The following CHD2 variants were observed in gnomAD, a reference collection of about 807,000 sequenced individuals.
CHD2 encodes the protein chromodomain helicase DNA binding protein 2, also known as ATP-dependent chromatin remodeler CHD2.
In CHD2, 28 loss-of-function variants were observed where a neutral mutation model predicts 243.9. The observed-to-expected ratio is 0.11, with a 90% CI of 0.09 to 0.16. CHD2 has a LOEUF of 0.16. CHD2 is among the 10% of genes least tolerant of loss of function. CHD2 has a pLI of 1.00. For synonymous variants in CHD2, 775 were observed against 779.0 expected (o/e 0.99, Z 0.09); for missense variants, 1,386 against 2,209.8 (o/e 0.63, Z 7.47).
intron 28 of CHD2, among the ~76,000 whole-genome samples, 182 bp from the exon 29 acceptor site, chr15:92,996,775 T>C (rs770721491): frequency 2.0e-5 from 3 of 152,194 alleles, no homozygotes; most frequent in Non-Finnish European, 4.4e-5. Flanking sequence ...AGACTGAATG[T>C]TCAGAGGTTA....
chr15:92,917,601 T>C (rs2052866039), intron 2 of CHD2, among the ~76,000 whole-genome samples: 1 of 152,180 alleles, frequency 6.6e-6, no homozygotes, highest in East Asian at 1.9e-4. Flanking sequence ...GTGTGACCAG[T>C]CAGTCTTCTT....
chr15:92,970,287 C>T (rs1207570415), intron 17 of CHD2, among the ~76,000 whole-genome samples: 3 of 151,986 alleles, frequency 2.0e-5, no homozygotes, highest in South Asian at 4.2e-4. Flanking sequence ...CCTCAACCTC[C>T]GCCTCCCAGG....
intron 20 of CHD2, among the ~76,000 whole-genome samples, chr15:92,977,919 T>C (rs2053930785): frequency 6.6e-6 from 1 of 152,198 alleles, no homozygotes; most frequent in Admixed American, 6.5e-5. Context: ...GATAATTGTT[T>C]GTCTGTTTTT....
chr15:93,000,087 T>C lies in CHD2; in HGVS notation c.4009-425T>C, dbSNP rs1476025365. Among the ~76,000 whole-genome samples, 3 of 152,206 alleles carry C rather than the reference T, an allele frequency of 2.0e-5. No homozygotes were observed. The East Asian group carries it at 5.8e-4, about 29-fold the overall frequency. ...CAGCCTGACCAACATGGCGAAACCC[T>C]GTTTCTACTAAAGACACACAAAAAA... is the stretch of plus-strand genomic sequence containing the variant. On this transcript the variant is annotated intron_variant, in intron 31 of 38. Transcript: ENST00000394196.
chr15:92,929,293 A>G (rs1423403993), intron 5 of CHD2, among the ~76,000 whole-genome samples: 2 of 152,136 alleles, frequency 1.3e-5, no homozygotes, highest in East Asian at 1.9e-4. Context: ...AGTTTAACAC[A>G]TGGAAGGGGT....
At chr15:92,984,128 A>T (rs2054012389) in intron 24 of CHD2, among the ~76,000 whole-genome samples, 2 of 152,202 alleles carry the variant, frequency 1.3e-5, no homozygotes, top group South Asian at 4.1e-4. Flanking sequence ...AAAATTTATG[A>T]TGTGATGAAC....
intron 14 of CHD2, among the ~76,000 whole-genome samples, chr15:92,954,736 T>C (rs2053597106): frequency 6.6e-6 from 1 of 152,230 alleles, no homozygotes; most frequent in African/African-American, 2.4e-5. Flanking sequence ...TCTCCAGTTC[T>C]CCTTTTCTTT....
At position 93,024,617 on chromosome 15, in the gene CHD2, A is replaced by G. The variant is rs2054571292; in HGVS notation, c.5399A>G (p.Lys1800Arg). 6.2e-7 allele frequency: 1 copy of G among 1,614,202 alleles called. No individual in the cohort carries two copies. The highest frequency in any genetic ancestry group is 1.1e-5 in the South Asian group (1 of 91,084). ...TCTCAGAAATCTCCTCACGATTCCA[A>G]GTCACCCCTGGATCATAGGTCTCCT... Reference protein sequence around the residue: ...PPSQKSPHDSKSPLDHRSPLE... With the variant: ...PPSQKSPHDSRSPLDHRSPLE... Residue 1800 changes from lysine (K) to arginine (R), a missense_variant, in exon 39 of 39, where the codon AAG becomes AGG. Lys to Arg is a conservative substitution (Grantham distance 26, BLOSUM62 2). Around this residue, in one of 19 missense-constraint regions of CHD2, gnomAD observed 347 missense variants for 341.6 expected, o/e 1.02. Transcript: ENST00000394196.
intron 35 of CHD2, among the ~76,000 whole-genome samples, chr15:93,011,011 T>C (rs1231007788): frequency 6.6e-6 from 1 of 152,184 alleles, no homozygotes. Context: ...ATTTTCAAAA[T>C]GGTACTTTTT....
chr15:93,002,045 C>A, intron 32 of CHD2, 132 bp from the exon 33 acceptor site: 1 of 1,198,970 alleles, frequency 8.3e-7, no homozygotes, highest in Non-Finnish European at 1.1e-6. Flanking sequence ...TCCCTTGAGG[C>A]TATTTGCTTG....
At chr15:93,019,303 A>T (rs533931120) in intron 37 of CHD2, among the ~76,000 whole-genome samples, 1 of 152,312 alleles carries the variant, frequency 6.6e-6, no homozygotes, top group Admixed American at 6.5e-5. Context: ...TGTGAAACTC[A>T]GCGGTATCAT....
At chr15:92,938,528 C>A (rs1354144992) in intron 6 of CHD2, among the ~76,000 whole-genome samples, 3 of 152,122 alleles carry the variant, frequency 2.0e-5, no homozygotes, top group Non-Finnish European at 2.9e-5. Flanking sequence ...ATTGTACTTA[C>A]CCCCCAACAC....
At chr15:92,976,120 G>A (rs1304343648) in intron 20 of CHD2, among the ~76,000 whole-genome samples, 1 of 151,960 alleles carries the variant, frequency 6.6e-6, no homozygotes, top group Non-Finnish European at 1.5e-5. Context: ...GGTTGAAATT[G>A]GTTTTGTGTT....
chr15:93,003,445 CAGAA>C (rs1275622242), intron 33 of CHD2, among the ~76,000 whole-genome samples: 2 of 151,696 alleles, frequency 1.3e-5, no homozygotes, highest in African/African-American at 2.4e-5. Flanking sequence ...TGTGCTCCCA[CAGAA>C]AGACATTATT....
At chr15:92,908,424 A>G (rs1301683188) in intron 2 of CHD2, among the ~76,000 whole-genome samples, 1 of 151,888 alleles carries the variant, frequency 6.6e-6, no homozygotes, top group Admixed American at 6.6e-5. Flanking sequence ...TACTTCCTCT[A>G]TTTCCTGTCT....
chr15:92,993,428 T>C (rs966081692), intron 28 of CHD2, among the ~76,000 whole-genome samples: 1 of 152,240 alleles, frequency 6.6e-6, no homozygotes, highest in Non-Finnish European at 1.5e-5. Context: ...AAATAAAATA[T>C]TGGATGAGTA....
intron 10 of CHD2, chr15:92,945,392 CTTCT>C (rs1306218599): frequency 3.2e-5 from 4 of 123,278 alleles, no homozygotes; most frequent in Admixed American, 2.1e-4. Context: ...TCTTCTTCTT[CTTCT>C]TTTTTTTTTT....
intron 31 of CHD2, among the ~76,000 whole-genome samples, chr15:92,999,078 C>T (rs1167837536): frequency 1.5e-4 from 13 of 86,388 alleles, no homozygotes; most frequent in South Asian, 4.6e-4. Flanking sequence ...AGCGAGACTC[C>T]GTCTCAAAAA....
At chr15:92,901,543 T>A in intron 2 of CHD2, 1 of 533,520 alleles carries the variant, frequency 1.9e-6, no homozygotes, top group Non-Finnish European at 3.3e-6. Flanking sequence ...TAAGGTACCT[T>A]TATTCAAAGG....
Sources: gnomAD v4.1 joint callset for allele counts (sites outside exome capture counted in the v4.1 genomes callset) on GRCh38, gnomAD v4.1.1 for gene constraint, gnomAD v4.1.1 regional missense constraint, MANE v1.5 for transcripts, NCBI Gene and HGNC (gene_info 2026-07-23, HGNC 2026-07-21) for gene names.